The following TENM2 variants were observed in gnomAD, a reference collection of about 807,000 sequenced individuals.
TENM2 encodes the protein teneurin transmembrane protein 2, also known as teneurin-2.
In TENM2, 52 loss-of-function variants were observed where a neutral mutation model predicts 245.2. The ratio of observed to expected loss-of-function variants is 0.21; its 90% confidence interval spans 0.17 to 0.27. The LOEUF is 0.27. Among genes scored for constraint, TENM2 ranks in the 10% least tolerant of loss-of-function variants. The probability of loss-of-function intolerance (pLI) is 1.00; values close to 1 mark genes in which losing one functional copy is unlikely to be tolerated. For synonymous variants in TENM2, 1,363 were observed against 1,438.9 expected (o/e 0.95, Z 1.19); for missense variants, 3,046 against 3,666.8 (o/e 0.83, Z 4.37).
chr5:167,938,788 CA>C lies in TENM2; in HGVS notation c.713-13795del, dbSNP rs566236822. Among the ~76,000 whole-genome samples the C allele has an allele frequency of 8.5e-5, 13 of 152,134 alleles. No homozygotes were observed. The East Asian group carries it at 2.3e-3, about 27-fold the overall frequency. Reference sequence around the variant, plus strand: ...TGAAACCCCGTCTCTACTAAAAATACAAAAATTAGCCGGGTGTGGTGGCATG... The same window carrying C: ...TGAAACCCCGTCTCTACTAAAAATACAAAATTAGCCGGGTGTGGTGGCATG... On this transcript the variant is annotated intron_variant, in intron 3 of 28. Coordinates refer to ENST00000518659, the Ensembl canonical transcript of TENM2.
chr5:167,596,769 C>T (rs1034320200), intron 2 of TENM2, among the ~76,000 whole-genome samples: 2 of 148,856 alleles, frequency 1.3e-5, no homozygotes, highest in African/African-American at 2.5e-5. Flanking sequence ...GCACTCCAAC[C>T]TGGGCGACAG....
At chr5:167,025,369 G>A in the TENM2 span, among the ~76,000 whole-genome samples, 2 of 152,028 alleles carry the variant, frequency 1.3e-5, no homozygotes, top group Admixed American at 1.3e-4. Context: ...CATTTGGAGT[G>A]TACAAAATTT....
intron 7 of TENM2, among the ~76,000 whole-genome samples, chr5:168,075,362 A>G (rs1179958333): frequency 6.6e-6 from 1 of 151,994 alleles, no homozygotes; most frequent in Non-Finnish European, 1.5e-5. Context: ...CTGGTTCCAT[A>G]TTTTTGCAAT....
rs1057068442 is a variant in TENM2, at chr5:167,589,648, A to G, written c.502+214175A>G. Among the ~76,000 whole-genome samples, 57 of 152,048 alleles carry G rather than the reference A, an allele frequency of 3.7e-4. 1 individual carries two copies. Among genetic ancestry groups the G allele is most frequent in the African/African-American group, 1.2e-3 (51 of 41,388 alleles). On this transcript the variant is annotated intron_variant, in intron 2 of 28. Coordinates refer to ENST00000518659, the Ensembl canonical transcript of TENM2. ...AAATTGAAGAGAATAAAAATTATTC[A>G]TAATCCCATCCAAGTTTGTTTGTTT...
chr5:167,513,221 A>G (rs954829223), intron 2 of TENM2, among the ~76,000 whole-genome samples: 8 of 152,170 alleles, frequency 5.3e-5, no homozygotes, highest in Non-Finnish European at 1.2e-4. Flanking sequence ...CATGTCACTT[A>G]TATGACCCAG....
chr5:167,677,219 A>T (rs1010002381), intron 2 of TENM2, among the ~76,000 whole-genome samples: 5 of 152,120 alleles, frequency 3.3e-5, no homozygotes, highest in Non-Finnish European at 7.4e-5. Flanking sequence ...GCTTATTTTA[A>T]TTATTCCTAA....
At chr5:167,722,758 A>G (rs984440048) in intron 2 of TENM2, among the ~76,000 whole-genome samples, 15 of 152,296 alleles carry the variant, frequency 9.8e-5, no homozygotes, top group Admixed American at 9.2e-4. Context: ...GCCTGGCCAT[A>G]GAGTGAGACT....
At chr5:167,075,110 A>G in the TENM2 span, among the ~76,000 whole-genome samples, 1 of 152,154 alleles carries the variant, frequency 6.6e-6, no homozygotes, top group Admixed American at 6.5e-5. Flanking sequence ...AGGAAGGCGT[A>G]TGGTGAAACA....
intron 1 of TENM2, among the ~76,000 whole-genome samples, chr5:167,335,308 G>A (rs1298653658): frequency 1.3e-5 from 2 of 152,112 alleles, no homozygotes; most frequent in Non-Finnish European, 2.9e-5. Flanking sequence ...GTACCAAGAG[G>A]ATGGCACTAA....
intron 2 of TENM2, among the ~76,000 whole-genome samples, chr5:167,396,531 G>A (rs1448065033): frequency 2.0e-5 from 3 of 152,148 alleles, no homozygotes; most frequent in Non-Finnish European, 4.4e-5. Flanking sequence ...GTAATGTGGT[G>A]ATAAAATCTG....
chr5:167,083,517 G>C, the TENM2 span, among the ~76,000 whole-genome samples: 1 of 152,164 alleles, frequency 6.6e-6, no homozygotes, highest in Non-Finnish European at 1.5e-5. Flanking sequence ...GGCTGACATA[G>C]GAAAAGGGAA....
chr5:167,806,632 C>A (rs191464075), intron 2 of TENM2, among the ~76,000 whole-genome samples: 43 of 152,154 alleles, frequency 2.8e-4, no homozygotes, highest in Non-Finnish European at 4.3e-4. Flanking sequence ...TCAGGGAAAT[C>A]CACAATATCA....
At chr5:167,063,929 C>T in the TENM2 span, among the ~76,000 whole-genome samples, 1 of 152,152 alleles carries the variant, frequency 6.6e-6, no homozygotes, top group East Asian at 1.9e-4. Flanking sequence ...TAAATGCCAG[C>T]CGGGCGAGTT....
chr5:167,472,778 G>A (rs890918569), intron 2 of TENM2, among the ~76,000 whole-genome samples: 4 of 152,164 alleles, frequency 2.6e-5, no homozygotes, highest in African/African-American at 9.7e-5. Flanking sequence ...AAAGATAAAT[G>A]CTACGTGTGA....
chr5:167,785,958 A>G (rs748729059), intron 2 of TENM2, among the ~76,000 whole-genome samples: 1 of 152,220 alleles, frequency 6.6e-6, no homozygotes, highest in Non-Finnish European at 1.5e-5. Context: ...AAACATATTT[A>G]TGGGTCATCT....
At chr5:167,487,716 G>T (rs111448700) in intron 2 of TENM2, among the ~76,000 whole-genome samples, 10 of 152,252 alleles carry the variant, frequency 6.6e-5, no homozygotes, top group Non-Finnish European at 1.2e-4. Flanking sequence ...AAAGAGCTAT[G>T]TTAAATGTAA....
chr5:167,980,968 G>T (rs1782791034), intron 4 of TENM2, among the ~76,000 whole-genome samples: 1 of 152,092 alleles, frequency 6.6e-6, no homozygotes, highest in Non-Finnish European at 1.5e-5. Context: ...TGGTAATGTT[G>T]GCAGCCAACA....
At chr5:167,138,031 C>G in the TENM2 span, among the ~76,000 whole-genome samples, 4 of 152,126 alleles carry the variant, frequency 2.6e-5, no homozygotes, top group Admixed American at 6.5e-5. Context: ...TCTGGCATAA[C>G]CAGTTCAAGA....
chr5:167,851,794 T>A (rs1330545984), intron 2 of TENM2, among the ~76,000 whole-genome samples: 2 of 152,232 alleles, frequency 1.3e-5, no homozygotes. Flanking sequence ...GAATGCTGTG[T>A]TCCTTCGTCT....
Sources: gnomAD v4.1 joint callset for allele counts (sites outside exome capture counted in the v4.1 genomes callset) on GRCh38, gnomAD v4.1.1 for gene constraint, MANE v1.5 for transcripts, NCBI Gene and HGNC (gene_info 2026-07-23, HGNC 2026-07-21) for gene names.